Variants in HS6ST3 observed in about 807,000 individuals in gnomAD.
The protein encoded by HS6ST3 is heparan sulfate 6-O-sulfotransferase 3, also known as heparan-sulfate 6-O-sulfotransferase 3.
HS6ST3 carries 12 observed loss-of-function variants against 36.7 expected under a neutral mutation model. The observed-to-expected ratio is 0.33, with a 90% CI of 0.21 to 0.53. HS6ST3 has a LOEUF of 0.53. Among genes scored for constraint, HS6ST3 ranks in the 20% least tolerant of loss-of-function variants. The pLI is 0.95. For synonymous variants in HS6ST3, 240 were observed against 257.5 expected (o/e 0.93, Z 0.65); for missense variants, 584 against 640.9 (o/e 0.91, Z 0.96).
At chr13:96,389,027 A>G (rs998054418) in intron 1 of HS6ST3, among the ~76,000 whole-genome samples, 1 of 152,226 alleles carries the variant, frequency 6.6e-6, no homozygotes, top group Non-Finnish European at 1.5e-5. Flanking sequence ...AAAACATTGT[A>G]GAAATCTTGT....
chr13:96,495,777 G>T, intron 1 of HS6ST3, among the ~76,000 whole-genome samples: 1 of 152,074 alleles, frequency 6.6e-6, no homozygotes, highest in African/African-American at 2.4e-5. Flanking sequence ...GCATCCCTTT[G>T]CAAACCACTA....
At chr13:96,622,490 A>G (rs2056498582) in intron 1 of HS6ST3, among the ~76,000 whole-genome samples, 1 of 152,186 alleles carries the variant, frequency 6.6e-6, no homozygotes, top group Admixed American at 6.5e-5. Flanking sequence ...GTTAGTTTGT[A>G]AAGAAAAATA....
At chr13:96,471,941 GT>G (rs1452484197) in intron 1 of HS6ST3, among the ~76,000 whole-genome samples, 1 of 152,148 alleles carries the variant, frequency 6.6e-6, no homozygotes, top group African/African-American at 2.4e-5. Flanking sequence ...GGTTGGTTGG[GT>G]TTGGTGCTTC....
intron 1 of HS6ST3, among the ~76,000 whole-genome samples, chr13:96,092,838 C>G (rs2053771791): frequency 6.6e-6 from 1 of 152,180 alleles, no homozygotes; most frequent in Non-Finnish European, 1.5e-5. Flanking sequence ...TCCTTCCTCC[C>G]TGCTCCTTTT....
At chr13:96,690,102 C>G (rs1356842573) in intron 1 of HS6ST3, among the ~76,000 whole-genome samples, 1 of 152,062 alleles carries the variant, frequency 6.6e-6, no homozygotes, top group Admixed American at 6.6e-5. Context: ...TCATTCCTTA[C>G]GTCCTTACAA....
rs545975451 is a variant in HS6ST3, at chr13:96,403,564, A to T, written c.707+311995A>T. 1.2e-4 allele frequency among the ~76,000 whole-genome samples: 18 copies of T among 152,266 alleles called. 1 individual carries two copies. The South Asian group carries it at 3.7e-3, about 32-fold the overall frequency. On this transcript the variant is annotated intron_variant, in intron 1 of 1. Coordinates refer to ENST00000376705, the MANE Select transcript of HS6ST3 (RefSeq NM_153456.4). ...TTTGTGACTTAATCATTTCCTTCCT[A>T]TACTTGTTTTAATTTGTCTCTTCAA...
chr13:96,178,302 G>T (rs1489507338), intron 1 of HS6ST3, among the ~76,000 whole-genome samples: 1 of 152,166 alleles, frequency 6.6e-6, no homozygotes, highest in African/African-American at 2.4e-5. Context: ...AGCAAGAATG[G>T]ATTTCTTTGG....
At chr13:96,553,635 A>G (rs1044488725) in intron 1 of HS6ST3, among the ~76,000 whole-genome samples, 2 of 152,242 alleles carry the variant, frequency 1.3e-5, no homozygotes, top group Admixed American at 1.3e-4. Context: ...GTTGGAACTG[A>G]AATGTAGCCC....
chr13:96,304,435 T>C (rs1280505133), intron 1 of HS6ST3, among the ~76,000 whole-genome samples: 3 of 152,080 alleles, frequency 2.0e-5, no homozygotes, highest in Admixed American at 6.6e-5. Flanking sequence ...AGTATTAAAT[T>C]ATTTATTATA....
At chr13:96,784,746 T>C (rs891739971) in intron 1 of HS6ST3, among the ~76,000 whole-genome samples, 1 of 152,200 alleles carries the variant, frequency 6.6e-6, no homozygotes, top group Non-Finnish European at 1.5e-5. Flanking sequence ...CTAATTCTTT[T>C]GTACCTTCTG....
intron 1 of HS6ST3, among the ~76,000 whole-genome samples, chr13:96,462,804 G>T (rs905597798): frequency 2.0e-5 from 3 of 152,158 alleles, no homozygotes; most frequent in East Asian, 1.9e-4. Context: ...ATGTATGTTT[G>T]TATCTATCTA....
chr13:96,715,497 T>A (rs1275862854), intron 1 of HS6ST3, among the ~76,000 whole-genome samples: 1 of 152,184 alleles, frequency 6.6e-6, no homozygotes, highest in African/African-American at 2.4e-5. Context: ...TTATGTTATC[T>A]ATACTTTACT....
At chr13:96,181,442 T>C (rs1450837438) in intron 1 of HS6ST3, among the ~76,000 whole-genome samples, 1 of 152,234 alleles carries the variant, frequency 6.6e-6, no homozygotes, top group Non-Finnish European at 1.5e-5. Context: ...CTGGAAAAAC[T>C]TTTCTCTGAA....
chr13:96,791,710 C>G (rs77687549), intron 1 of HS6ST3, among the ~76,000 whole-genome samples: 163 of 152,086 alleles, frequency 1.1e-3, no homozygotes, highest in Non-Finnish European at 1.9e-3. Context: ...CTTTGTTTGC[C>G]CTTCTCATTT....
intron 1 of HS6ST3, among the ~76,000 whole-genome samples, chr13:96,410,554 A>G (rs1297115350): frequency 6.6e-6 from 1 of 152,082 alleles, no homozygotes; most frequent in Admixed American, 6.6e-5. Context: ...TTGGAGTGCT[A>G]CCCCCAAGAG....
chr13:96,603,565 G>A (rs1016300577), intron 1 of HS6ST3, among the ~76,000 whole-genome samples: 19 of 152,066 alleles, frequency 1.2e-4, no homozygotes, highest in African/African-American at 3.6e-4. Flanking sequence ...TCTTTTCTGT[G>A]GGGTATATAC....
intron 1 of HS6ST3, among the ~76,000 whole-genome samples, chr13:96,397,064 C>T (rs930763661): frequency 3.3e-5 from 5 of 151,878 alleles, no homozygotes; most frequent in Non-Finnish European, 5.9e-5. Context: ...ATTAGCTGGG[C>T]GTGATAGTGG....
intron 1 of HS6ST3, among the ~76,000 whole-genome samples, chr13:96,479,697 A>G (rs896465603): frequency 6.6e-6 from 1 of 152,206 alleles, no homozygotes; most frequent in Non-Finnish European, 1.5e-5. Context: ...AGATTAAACT[A>G]AGTTACACTG....
chr13:96,582,813 C>A (rs1303374534), intron 1 of HS6ST3, among the ~76,000 whole-genome samples: 1 of 152,164 alleles, frequency 6.6e-6, no homozygotes, highest in Non-Finnish European at 1.5e-5. Context: ...TTTGTCCATT[C>A]ATGCATGCAT....
Sources: allele counts gnomAD v4.1 joint callset (sites outside exome capture counted in the v4.1 genomes callset), GRCh38; gene constraint gnomAD v4.1.1; transcripts MANE v1.5; gene names NCBI Gene and HGNC (gene_info 2026-07-23, HGNC 2026-07-21).